The following BCHE variants were observed in gnomAD, a reference collection of about 807,000 sequenced individuals.
The protein encoded by BCHE is cholinesterase.
A neutral mutation model predicts 51.3 loss-of-function variants in BCHE; 48 were observed. The observed-to-expected ratio is 0.94, with a 90% CI of 0.74 to 1.19. The LOEUF is 1.19. BCHE is among the 50% of genes most tolerant of loss of function. BCHE has a pLI of 0.00. For synonymous variants in BCHE, 251 were observed against 238.0 expected (o/e 1.05, Z -0.50); for missense variants, 847 against 708.2 (o/e 1.20, Z -2.23).
At chr3:165,808,584 T>A (rs1417204203) in intron 2 of BCHE, among the ~76,000 whole-genome samples, 1 of 152,186 alleles carries the variant, frequency 6.6e-6, no homozygotes, top group East Asian at 1.9e-4. Context: ...TTTGGTTTTT[T>A]ATAAACATGA....
intron 2 of BCHE, among the ~76,000 whole-genome samples, chr3:165,809,047 A>G (rs1435280555): frequency 1.3e-5 from 2 of 152,164 alleles, no homozygotes; most frequent in Non-Finnish European, 2.9e-5. Context: ...TTAAAAAGTA[A>G]GAAAGCCAAT....
intron 2 of BCHE, among the ~76,000 whole-genome samples, chr3:165,827,170 G>A (rs180714326): frequency 6.6e-6 from 1 of 152,152 alleles, no homozygotes; most frequent in East Asian, 1.9e-4. Context: ...TGTATACTTT[G>A]AAAGTAGATA....
intron 2 of BCHE, among the ~76,000 whole-genome samples, chr3:165,807,043 G>A (rs1002954776): frequency 6.6e-5 from 10 of 151,962 alleles, no homozygotes; most frequent in African/African-American, 2.2e-4. Flanking sequence ...TTTTTGGGGG[G>A]TTGGTGGAGC....
rs368002119 is a variant in BCHE at position 165,796,262 on chromosome 3, A to T, written c.1518-9951T>A. ...AATAAGCAAAGACCAATTATGATAT[A>T]ATATAGCTTGACATCTGTTATCAAA... On this transcript the variant is annotated intron_variant, in intron 2 of 3. Transcript: ENST00000264381. Among the ~76,000 whole-genome samples, 39 of 152,314 alleles carry T rather than the reference A, an allele frequency of 2.6e-4. No individual in the cohort carries two copies. In the East Asian group the frequency reaches 7.3e-3, roughly 29 times the overall value.
intron 2 of BCHE, among the ~76,000 whole-genome samples, chr3:165,790,164 C>T (rs1713114250): frequency 6.6e-6 from 1 of 152,080 alleles, no homozygotes; most frequent in Non-Finnish European, 1.5e-5. Flanking sequence ...AGAGTTGAGA[C>T]TTTTAGCCAT....
chr3:165,781,898 T>C (rs895910857), intron 3 of BCHE, among the ~76,000 whole-genome samples: 1 of 152,138 alleles, frequency 6.6e-6, no homozygotes. Context: ...AATTGCCTAA[T>C]GGATGAATGA....
At chr3:165,800,224 G>A (rs1360119215) in intron 2 of BCHE, among the ~76,000 whole-genome samples, 1 of 151,812 alleles carries the variant, frequency 6.6e-6, no homozygotes. Context: ...TCCATTCAGT[G>A]TTTTATTCTC....
chr3:165,786,248 T>G lies in BCHE; in HGVS notation c.1581A>C (p.Lys527Asn). Residue 527 changes from lysine to asparagine, a missense_variant, in exon 3 of 4, where the codon AAA (lysine) becomes AAC (asparagine). By Grantham distance (94) the Lys-to-Asn change is moderately conservative. Transcript: ENST00000264381. Reference sequence around the variant, plus strand: ...TTGACTCTGTATTCAAGGTTAGATATTTTTGTTCAGTGCTTTTGAAGACAG... The same window carrying G: ...TTGACTCTGTATTCAAGGTTAGATAGTTTTGTTCAGTGCTTTTGAAGACAG... ...SWPVFKSTEQ[K>N]YLTLNTESTR... 6.2e-7 allele frequency: 1 copy of G among 1,612,276 alleles called. No individual in the cohort carries two copies. Among genetic ancestry groups the G allele is most frequent in the South Asian group, 1.1e-5 (1 of 91,028 alleles).
At chr3:165,822,332 A>G (rs1032713597) in intron 2 of BCHE, among the ~76,000 whole-genome samples, 9 of 152,068 alleles carry the variant, frequency 5.9e-5, no homozygotes, top group East Asian at 1.9e-4. Context: ...TCAGGAAATT[A>G]AACAATTGTA....
At chr3:165,822,024 A>G (rs968769546) in intron 2 of BCHE, among the ~76,000 whole-genome samples, 2 of 151,992 alleles carry the variant, frequency 1.3e-5, no homozygotes, top group Admixed American at 1.3e-4. Context: ...ATATTATGAT[A>G]TGAGAATAGC....
chr3:165,820,024 G>A (rs1714452668), intron 2 of BCHE, among the ~76,000 whole-genome samples: 1 of 152,002 alleles, frequency 6.6e-6, no homozygotes, highest in Non-Finnish European at 1.5e-5. Context: ...CAGAAACATA[G>A]AAAACAAATC....
At position 165,773,439 on chromosome 3, in the gene BCHE, G is replaced by T. The variant is rs1205471724; in HGVS notation, c.1752C>A (p.Asp584Glu). The stretch of plus-strand genomic sequence containing the variant: ...TGTAATCGTTAAATTGATTTTTCCA[G>T]TCCATCATGTAATTGTTCCAGCGAT... ...GFHRWNNYMM[D>E]WKNQFNDYTS... Residue 584 changes from aspartate to glutamate, a missense_variant, in exon 4 of 4, where the codon GAC becomes GAA. By Grantham distance (45) the Asp-to-Glu change is conservative. Coordinates refer to ENST00000264381, the MANE Select transcript of BCHE (RefSeq NM_000055.4). 2 of 1,609,590 alleles carry T rather than the reference G, an allele frequency of 1.2e-6. No homozygotes were observed. The highest frequency in any genetic ancestry group is 1.3e-5 in the African/African-American group (1 of 74,898).
chr3:165,786,311 C>T lies in BCHE; in HGVS notation c.1518G>A (p.Gly506=), dbSNP rs755486397. ...TATTGTTCTGAGTCTCATTTGGATT[C>T]CTAAATAATAAAATAGAGACATTAT... is the stretch of plus-strand genomic sequence containing the variant. The part of the protein sequence containing the change: ...VKRWANFAKY[G]NPNETQNNST... The change falls in exon 3 of 4, where the codon GGG becomes GGA. Residue 506 remains glycine, a splice_region_variant and synonymous_variant. Transcript: ENST00000264381. 1 of 1,608,216 alleles carries T rather than the reference C, an allele frequency of 6.2e-7. No individual in the cohort carries two copies. Among genetic ancestry groups the T allele is most frequent in the Non-Finnish European group, 8.5e-7 (1 of 1,176,306 alleles).
At chr3:165,799,354 A>T (rs1713552449) in intron 2 of BCHE, among the ~76,000 whole-genome samples, 1 of 152,152 alleles carries the variant, frequency 6.6e-6, no homozygotes, top group Admixed American at 6.5e-5. Flanking sequence ...AATTTAGGTT[A>T]AAAATTTTAA....
intron 2 of BCHE, among the ~76,000 whole-genome samples, chr3:165,809,246 G>A (rs9823473): frequency 0.064 from 9,682 of 152,062 alleles, 390 homozygotes; most frequent in African/African-American, 0.097. Context: ...TTGAGGGATT[G>A]GATGGACAAC....
At chr3:165,798,237 C>T (rs533726311) in intron 2 of BCHE, among the ~76,000 whole-genome samples, 3 of 151,986 alleles carry the variant, frequency 2.0e-5, no homozygotes, top group Non-Finnish European at 2.9e-5. Context: ...GAAACTACAG[C>T]GTATCCTTTC....
chr3:165,814,615 C>T (rs929806933), intron 2 of BCHE, among the ~76,000 whole-genome samples: 2 of 152,018 alleles, frequency 1.3e-5, no homozygotes, highest in African/African-American at 4.8e-5. Context: ...TCCCCATTTT[C>T]CAACACTTGC....
intron 2 of BCHE, among the ~76,000 whole-genome samples, chr3:165,804,292 A>G (rs911645195): frequency 1.3e-5 from 2 of 152,190 alleles, no homozygotes; most frequent in Admixed American, 1.3e-4. Flanking sequence ...GAGGTAAATT[A>G]TTAGTGAGTT....
intron 1 of BCHE, among the ~76,000 whole-genome samples, chr3:165,832,629 A>C (rs1240857636): frequency 6.6e-6 from 1 of 152,122 alleles, no homozygotes; most frequent in Non-Finnish European, 1.5e-5. Flanking sequence ...TAAAATAGTC[A>C]ATTACAAATA....
Sources: gnomAD v4.1 joint callset for allele counts (sites outside exome capture counted in the v4.1 genomes callset) on GRCh38, gnomAD v4.1.1 for gene constraint, MANE v1.5 for transcripts, NCBI Gene and HGNC (gene_info 2026-07-23, HGNC 2026-07-21) for gene names.